CACNA1B: variants seen among roughly 807,000 people sequenced by gnomAD.
The protein encoded by CACNA1B is calcium voltage-gated channel subunit alpha1 B, also known as voltage-dependent N-type calcium channel subunit alpha-1B.
Under a neutral mutation model 247.2 loss-of-function variants are expected in CACNA1B, and 70 were observed. The ratio of observed to expected loss-of-function variants is 0.28; its 90% CI spans 0.23 to 0.35. CACNA1B has a LOEUF of 0.35. CACNA1B is among the 10% of genes least tolerant of loss of function. The pLI is 1.00. For synonymous variants in CACNA1B, 1,231 were observed against 1,294.4 expected (o/e 0.95, Z 1.05); for missense variants, 2,367 against 3,197.4 (o/e 0.74, Z 6.26).
At chr9:137,951,372 C>A (rs1001494038) in intron 6 of CACNA1B, among the ~76,000 whole-genome samples, 1 of 152,176 alleles carries the variant, frequency 6.6e-6, no homozygotes, top group Non-Finnish European at 1.5e-5. Context: ...ATGCCAACAG[C>A]AGCACCTGGA....
chr9:137,889,127 A>G (rs6559250), intron 3 of CACNA1B, among the ~76,000 whole-genome samples: 26 of 147,362 alleles, frequency 1.8e-4, no homozygotes, highest in African/African-American at 4.7e-4. Flanking sequence ...GCGACCTGAC[A>G]CTGTGTCTGA....
Position 138,058,650 on chromosome 9 carries a change from A to G in CACNA1B, c.4390A>G (p.Thr1464Ala). 1 of 1,613,728 alleles carries G rather than the reference A, an allele frequency of 6.2e-7. No homozygotes were observed. Among genetic ancestry groups the G allele is most frequent in the Non-Finnish European group, 8.5e-7 (1 of 1,179,724 alleles). The change falls in exon 29 of 47, where the codon ACG (threonine) becomes GCG (alanine). Residue 1464 changes from threonine (T) to alanine (A), a missense_variant. This residue lies in a region of CACNA1B where 436 missense variants were observed against 679.5 expected (regional missense o/e 0.64). Coordinates refer to ENST00000371372, the MANE Select transcript of CACNA1B (RefSeq NM_000718.4). The surrounding 1 kb of genome is among the most constrained non-coding windows in gnomAD (Gnocchi z 4.7). ...AAACCGGCAGTCGTTCCAGTATAAG[A>G]CGTGGACATTTGTGGTCTCCCCGCC... Reference protein sequence around the residue: ...PQNRQSFQYKTWTFVVSPPFE... With the variant: ...PQNRQSFQYKAWTFVVSPPFE...
In CACNA1B at chr9:138,020,647, G is replaced by C. The variant is rs989917524; in HGVS notation, c.2268-2364G>C. On this transcript the variant is annotated intron_variant, in intron 18 of 46. Transcript: ENST00000371372. This position sits in a 1 kb window ranked among gnomAD's most constrained non-coding sequence, Gnocchi z 4.1. ...AGATAGGCCCGGAAGGAACAGGCCA[G>C]GTGGAACCAGTGGGGCTGCGGGGGG... Among the ~76,000 whole-genome samples the C allele has an allele frequency of 4.6e-5, 7 of 152,222 alleles. No individual in the cohort carries two copies. Among genetic ancestry groups the C allele is most frequent in the Non-Finnish European group, 8.8e-5 (6 of 68,026 alleles).
At chr9:138,024,513 G>A (rs896933087) in intron 19 of CACNA1B, among the ~76,000 whole-genome samples, 4 of 152,222 alleles carry the variant, frequency 2.6e-5, no homozygotes, top group African/African-American at 9.6e-5. Flanking sequence ...ACACGGAGGT[G>A]TATAGAGTAA....
rs1958370020 is a variant in CACNA1B at position 137,986,906 on chromosome 9, G to C, written c.1974+52G>C. On this transcript the variant is annotated intron_variant, in intron 15 of 46. Transcript: ENST00000371372. The surrounding 1 kb of genome is among the most constrained non-coding windows in gnomAD (Gnocchi z 6.0). ...GGCCTGCCCGGCTCCCGTCTCCCCT[G>C]GGTGCTGGGAAGGCGGACTCTCCTG... is the stretch of plus-strand genomic sequence containing the variant. 1 of 1,381,030 alleles carries C rather than the reference G, an allele frequency of 7.2e-7. No homozygotes were observed. 85.5% of individuals were successfully genotyped at this position (1,381,030 alleles called of 1,614,324 possible). A position where few individuals can be genotyped will look rare whatever the true frequency, so the allele number is the denominator to read the frequency against.
rs530330392 is a variant in CACNA1B at position 137,973,668 on chromosome 9, A to T, written c.1543+2076A>T. On this transcript the variant is annotated intron_variant, in intron 11 of 46. Transcript: ENST00000371372. This position sits in a 1 kb window ranked among gnomAD's most constrained non-coding sequence, Gnocchi z 4.1. ...CTCAGCTTGTGAACTCCTGGGGAGA[A>T]GGGTGAACTCTGTCCCCATGCTGGC... Among the ~76,000 whole-genome samples the T allele has an allele frequency of 6.6e-6, 1 of 152,272 alleles. No individual in the cohort carries two copies. Among genetic ancestry groups the T allele is most frequent in the African/African-American group, 2.4e-5 (1 of 41,558 alleles).
At chr9:137,894,822 C>T (rs961715780) in intron 3 of CACNA1B, among the ~76,000 whole-genome samples, 1 of 152,142 alleles carries the variant, frequency 6.6e-6, no homozygotes, top group African/African-American at 2.4e-5. Context: ...TTTTCCTACT[C>T]TGTAGCTTTT....
chr9:138,010,224 G>A lies in CACNA1B; in HGVS notation c.2160+147G>A, dbSNP rs542756005. On this transcript the variant is annotated intron_variant, in intron 17 of 46. Coordinates refer to ENST00000371372, the MANE Select transcript of CACNA1B (RefSeq NM_000718.4). This position sits in a 1 kb window ranked among gnomAD's most constrained non-coding sequence, Gnocchi z 5.3. ...GGCAGAGGCTGGTCTGTCACTCAGG[G>A]GCTGGAGGCTGGAGCTGAGGATGCA... 1 of 644,148 alleles carries A rather than the reference G, an allele frequency of 1.6e-6. No individual in the cohort carries two copies. Among genetic ancestry groups the A allele is most frequent in the Admixed American group, 2.5e-5 (1 of 39,828 alleles). The allele number at this position is 644,148 out of a possible 1,614,324, so 39.9% of individuals were successfully genotyped here. A position where few individuals can be genotyped will look rare whatever the true frequency, so the allele number is the denominator to read the frequency against.
intron 20 of CACNA1B, among the ~76,000 whole-genome samples, chr9:138,034,941 A>G (rs1452954023): frequency 6.6e-6 from 1 of 152,202 alleles, no homozygotes; most frequent in African/African-American, 2.4e-5. Context: ...CTGCAATACC[A>G]TGGCAGCCAA....
Position 138,058,476 on chromosome 9 carries a change from C to G in CACNA1B, c.4309-93C>G. The G allele has an allele frequency of 8.2e-7, 1 of 1,214,216 alleles. No homozygotes were observed. The allele number at this position is 1,214,216 out of a possible 1,614,324, so 75.2% of individuals were successfully genotyped here. A position where few individuals can be genotyped will look rare whatever the true frequency, so the allele number is the denominator to read the frequency against. On this transcript the variant is annotated intron_variant, in intron 28 of 46. Coordinates refer to ENST00000371372, the MANE Select transcript of CACNA1B (RefSeq NM_000718.4). The surrounding 1 kb of genome is among the most constrained non-coding windows in gnomAD (Gnocchi z 4.7). ...ATTTGTCTTCTGTTGTCAGGGCTCC[C>G]TGTGAGGCCTGGCGAGACAGGGCTG...
chr9:138,058,026 C>T lies in CACNA1B; in HGVS notation c.4107-23C>T, dbSNP rs1486055922. On this transcript the variant is annotated intron_variant, in intron 27 of 46. Coordinates refer to ENST00000371372, the MANE Select transcript of CACNA1B (RefSeq NM_000718.4). The surrounding 1 kb of genome is among the most constrained non-coding windows in gnomAD (Gnocchi z 4.7). The stretch of plus-strand genomic sequence containing the variant: ...CTGTCTCCTTTGGGGGTTCCCCTGA[C>T]ACTTGCTCTCCTCTTTGCCCAGGGT... 2.5e-6 allele frequency: 4 copies of T among 1,604,446 alleles called. No individual in the cohort carries two copies. In the Admixed American group the frequency reaches 5.0e-5, roughly 20 times the overall value.
chr9:137,951,764 TGG>T (rs1363135061), intron 6 of CACNA1B, among the ~76,000 whole-genome samples: 2 of 152,116 alleles, frequency 1.3e-5, no homozygotes, highest in African/African-American at 4.8e-5. Flanking sequence ...GCCAGGCATG[TGG>T]TGAAACTGAA....
At chr9:138,028,154 C>G (rs982004548) in intron 20 of CACNA1B, among the ~76,000 whole-genome samples, 18 of 149,686 alleles carry the variant, frequency 1.2e-4, no homozygotes, top group Non-Finnish European at 2.1e-4. Context: ...TCTCGAGTAG[C>G]TGGGATTACA....
chr9:137,897,103 T>C (rs1280404748), intron 3 of CACNA1B, among the ~76,000 whole-genome samples: 2 of 152,182 alleles, frequency 1.3e-5, no homozygotes, highest in Admixed American at 1.3e-4. Context: ...GCTCTCTGTT[T>C]GTATGGTTGA....
In CACNA1B at chr9:138,004,490, C is replaced by G. The variant is rs150924621; in HGVS notation, c.1975-2277C>G. 9.4e-3 allele frequency among the ~76,000 whole-genome samples: 1,385 copies of G among 146,812 alleles called. 20 individuals carry two copies. The highest frequency in any genetic ancestry group is 0.034 in the African/African-American group (1,335 of 39,272). On this transcript the variant is annotated intron_variant, in intron 15 of 46. Coordinates refer to ENST00000371372, the MANE Select transcript of CACNA1B (RefSeq NM_000718.4). ...GATTGGGCCCAGAAAGCAGAAGTTG[C>G]AGTGGGCCAAGATCACACCACTGCA...
chr9:137,976,109 TG>T, intron 12 of CACNA1B, 90 bp downstream of exon 12: 1 of 815,512 alleles, frequency 1.2e-6, no homozygotes, highest in South Asian at 1.5e-5. Flanking sequence ...CAGTGTGGGC[TG>T]GGGTCTGTGA....
Position 138,057,061 on chromosome 9 carries a change from G to A in CACNA1B, c.3969-671G>A, listed in dbSNP as rs994597452. ...CGCCATTCTCCTGCCTCAGCCTCCCGAGTAGCTGGGACTATAGGCGCCCGC... is the reference window on the plus strand; with the variant it reads ...CGCCATTCTCCTGCCTCAGCCTCCCAAGTAGCTGGGACTATAGGCGCCCGC... On this transcript the variant is annotated intron_variant, in intron 26 of 46. Coordinates refer to ENST00000371372, the MANE Select transcript of CACNA1B (RefSeq NM_000718.4). This position sits in a 1 kb window ranked among gnomAD's most constrained non-coding sequence, Gnocchi z 4.0. Among the ~76,000 whole-genome samples, 10 of 146,810 alleles carry A rather than the reference G, an allele frequency of 6.8e-5. No individual in the cohort carries two copies. Among genetic ancestry groups the A allele is most frequent in the Non-Finnish European group, 1.0e-4 (7 of 67,480 alleles).
In CACNA1B at chr9:137,971,371, C is replaced by T. The variant is rs371149516; in HGVS notation, c.1334-12C>T. 2.5e-6 allele frequency: 4 copies of T among 1,597,396 alleles called. No individual in the cohort carries two copies. Among genetic ancestry groups the T allele is most frequent in the South Asian group, 1.1e-5 (1 of 88,878 alleles). ...TGGTCCCCACATCCTCAGTAACTCC[C>T]CATCCCCTCAGGATCCCCCTTCGCC... On this transcript the variant is annotated splice_polypyrimidine_tract_variant and intron_variant, in intron 10 of 46. Coordinates refer to ENST00000371372, the MANE Select transcript of CACNA1B (RefSeq NM_000718.4). The surrounding 1 kb of genome is among the most constrained non-coding windows in gnomAD (Gnocchi z 4.4).
At chr9:137,898,182 C>G (rs1957193548) in intron 3 of CACNA1B, among the ~76,000 whole-genome samples, 1 of 152,200 alleles carries the variant, frequency 6.6e-6, no homozygotes, top group Non-Finnish European at 1.5e-5. Flanking sequence ...GAGAAATCTT[C>G]TGTCAGCTGA....
Sources: allele counts gnomAD v4.1 joint callset (sites outside exome capture counted in the v4.1 genomes callset), GRCh38; gene constraint gnomAD v4.1.1; regional missense constraint gnomAD v4.1.1; non-coding constraint Gnocchi (gnomAD v3.1); transcripts MANE v1.5; gene names NCBI Gene and HGNC (gene_info 2026-07-23, HGNC 2026-07-21).